The following RAP1A variants were observed in gnomAD, a reference collection of about 807,000 sequenced individuals.
RAP1A encodes RAP1A, member of RAS oncogene family, also known as ras-related protein Rap-1A.
RAP1A carries 6 observed loss-of-function variants against 26.4 expected under a neutral mutation model. The ratio of observed to expected loss-of-function variants is 0.23; its 90% CI spans 0.12 to 0.45. The LOEUF (loss-of-function observed/expected upper bound fraction) is 0.45. Among genes scored for constraint, RAP1A ranks in the 20% least tolerant of loss-of-function variants. RAP1A has a pLI of 0.99. For synonymous variants in RAP1A, 73 were observed against 79.4 expected, an observed-to-expected ratio of 0.92 and a Z score of 0.43; for missense variants, 121 against 217.2, an observed-to-expected ratio of 0.56 and a Z score of 2.78.
chr1:111,638,828 T>G (rs1571517318), intron 1 of RAP1A, among the ~76,000 whole-genome samples: 1 of 152,146 alleles, frequency 6.6e-6, no homozygotes, highest in African/African-American at 2.4e-5. Context: ...AGTAGGCAGA[T>G]AAGTCACAGT....
At chr1:111,700,328 C>T (rs1661980019) in intron 4 of RAP1A, among the ~76,000 whole-genome samples, 2 of 152,212 alleles carry the variant, frequency 1.3e-5, no homozygotes, top group African/African-American at 4.8e-5. Context: ...GCTCCAGCAT[C>T]TGCTTCTGGT....
chr1:111,709,629 G>A (rs1662314802), intron 7 of RAP1A, among the ~76,000 whole-genome samples: 1 of 152,026 alleles, frequency 6.6e-6, no homozygotes, highest in Non-Finnish European at 1.5e-5. Flanking sequence ...GTGCACATTT[G>A]GTGAATTATC....
At chr1:111,679,360 A>G (rs1031477408) in intron 1 of RAP1A, among the ~76,000 whole-genome samples, 2 of 152,178 alleles carry the variant, frequency 1.3e-5, no homozygotes, top group Admixed American at 1.3e-4. Context: ...TATTCAGCCC[A>G]GATACTACCC....
chr1:111,592,614 G>A (rs1557859855), intron 1 of RAP1A, among the ~76,000 whole-genome samples: 1 of 152,176 alleles, frequency 6.6e-6, no homozygotes, highest in East Asian at 1.9e-4. Flanking sequence ...GAGCAATGAC[G>A]ATTCTTTTGG....
Position 111,714,154 on chromosome 1 carries a change from T to C in RAP1A, c.*1753T>C, listed in dbSNP as rs1249102879. On this transcript the variant is annotated 3_prime_UTR_variant, in exon 8 of 8. Transcript: ENST00000369709. ...ATGGAAATTTTTTTTGTTTGTGTTT[T>C]TGTTTTAGTTTCGAATAAACTTAGT... 1.3e-5 allele frequency: 2 copies of C among 152,346 alleles called. No individual in the cohort carries two copies. The highest frequency in any genetic ancestry group is 3.9e-4 in the East Asian group (2 of 5,182). The allele number at this position is 152,346 out of a possible 1,614,324, so 9.4% of individuals were successfully genotyped here.
Position 111,715,110 on chromosome 1 carries a change from T to C in RAP1A, c.*2709T>C. 6.6e-6 allele frequency: 1 copy of C among 151,882 alleles called. No homozygotes were observed. Among genetic ancestry groups the C allele is most frequent in the Non-Finnish European group, 1.5e-5 (1 of 68,078 alleles). 9.4% of individuals were successfully genotyped at this position (151,882 alleles called of 1,614,324 possible). On this transcript the variant is annotated 3_prime_UTR_variant, in exon 8 of 8. Coordinates refer to ENST00000369709, the MANE Select transcript of RAP1A (RefSeq NM_002884.4). Reference sequence around the variant, plus strand: ...CTTTTTTTTTTTTTGAGATGGAGTCTCGCCCTGTCGCCCAGGCTAGAGTGC... The same window carrying C: ...CTTTTTTTTTTTTTGAGATGGAGTCCCGCCCTGTCGCCCAGGCTAGAGTGC...
At chr1:111,680,984 C>A (rs551663586) in intron 1 of RAP1A, among the ~76,000 whole-genome samples, 1 of 152,166 alleles carries the variant, frequency 6.6e-6, no homozygotes, top group African/African-American at 2.4e-5. Context: ...TGGTGGCTCA[C>A]GCCTGTAATC....
At chr1:111,684,274 C>T (rs1236054306) in intron 1 of RAP1A, among the ~76,000 whole-genome samples, 1 of 152,138 alleles carries the variant, frequency 6.6e-6, no homozygotes, top group Non-Finnish European at 1.5e-5. Context: ...CCTCTCACCA[C>T]ATAGTATTGG....
At chr1:111,691,936 A>G (rs1185641175) in intron 2 of RAP1A, among the ~76,000 whole-genome samples, 1 of 152,240 alleles carries the variant, frequency 6.6e-6, no homozygotes, top group Non-Finnish European at 1.5e-5. Flanking sequence ...TAATAAATAC[A>G]CAAAGAACTA....
intron 1 of RAP1A, among the ~76,000 whole-genome samples, chr1:111,653,965 C>A (rs1388145626): frequency 2.0e-5 from 3 of 152,058 alleles, no homozygotes; most frequent in Non-Finnish European, 2.9e-5. Context: ...AGAGAAGTGG[C>A]AAGATGTAAG....
At chr1:111,599,216 G>A (rs1658620487) in intron 1 of RAP1A, among the ~76,000 whole-genome samples, 2 of 151,512 alleles carry the variant, frequency 1.3e-5, no homozygotes, top group South Asian at 4.2e-4. Context: ...TTTTGTTGTT[G>A]TTTTTTTGAG....
chr1:111,647,757 G>C (rs1251619670), intron 1 of RAP1A, among the ~76,000 whole-genome samples: 8 of 150,838 alleles, frequency 5.3e-5, no homozygotes. Context: ...GGTCCAAGCT[G>C]GTCTCAAACT....
intron 6 of RAP1A, among the ~76,000 whole-genome samples, chr1:111,708,256 T>C (rs1662262311): frequency 6.6e-6 from 1 of 152,040 alleles, no homozygotes; most frequent in African/African-American, 2.4e-5. Context: ...TTTTTACGTT[T>C]AACCAAAATT....
At chr1:111,702,394 C>T (rs1571573673) in intron 4 of RAP1A, among the ~76,000 whole-genome samples, 1 of 151,892 alleles carries the variant, frequency 6.6e-6, no homozygotes, top group Non-Finnish European at 1.5e-5. Flanking sequence ...TGATTGTCAC[C>T]AAATAAAAGG....
At chr1:111,561,276 A>G (rs1657725510) in intron 1 of RAP1A, among the ~76,000 whole-genome samples, 1 of 152,074 alleles carries the variant, frequency 6.6e-6, no homozygotes, top group Non-Finnish European at 1.5e-5. Context: ...AGTGCACACC[A>G]CCACGCCTGG....
At chr1:111,688,112 T>TC (rs58808979) in intron 1 of RAP1A, among the ~76,000 whole-genome samples, 7 of 149,672 alleles carry the variant, frequency 4.7e-5, no homozygotes, top group African/African-American at 7.3e-5. Context: ...TTTTTTTTTT[T>TC]CCTGCCCCCA....
intron 1 of RAP1A, among the ~76,000 whole-genome samples, chr1:111,558,700 G>A (rs1657613951): frequency 6.6e-6 from 1 of 152,026 alleles, no homozygotes. Flanking sequence ...TATTTCCCAG[G>A]AAGATATAAA....
intron 1 of RAP1A, among the ~76,000 whole-genome samples, chr1:111,570,265 T>A (rs562011012): frequency 1.2e-4 from 18 of 152,304 alleles, no homozygotes; most frequent in African/African-American, 4.3e-4. Context: ...TCTGTGTGCC[T>A]GAGAATCATA....
At chr1:111,625,771 C>T (rs574867855) in intron 1 of RAP1A, among the ~76,000 whole-genome samples, 149 of 152,050 alleles carry the variant, frequency 9.8e-4, no homozygotes, top group Non-Finnish European at 1.8e-3. Context: ...TTTCTCTCTT[C>T]TCTTCCTCTT....
Sources: allele counts gnomAD v4.1 joint callset (sites outside exome capture counted in the v4.1 genomes callset), GRCh38; gene constraint gnomAD v4.1.1; transcripts MANE v1.5; gene names NCBI Gene and HGNC (gene_info 2026-07-23, HGNC 2026-07-21).